AGPS: variants seen among roughly 807,000 people sequenced by gnomAD.
AGPS encodes the protein alkylglycerone phosphate synthase.
AGPS carries 26 observed loss-of-function variants against 90.7 expected under a neutral mutation model. The ratio of observed to expected loss-of-function variants is 0.29; its 90% confidence interval spans 0.21 to 0.40. The LOEUF (loss-of-function observed/expected upper bound fraction) is 0.40, where lower values mean the gene tolerates loss of function less well. Ranked by LOEUF, AGPS falls within the 10% of genes least tolerant of loss-of-function variation. AGPS has a pLI of 1.00. For synonymous variants in AGPS, 294 were observed against 285.3 expected (o/e 1.03, Z -0.31); for missense variants, 540 against 816.1 (o/e 0.66, Z 4.12).
At position 177,408,677 on chromosome 2, in the gene AGPS, C is replaced by T. The variant is rs529564540; in HGVS notation, c.261-11592C>T. On this transcript the variant is annotated intron_variant, in intron 1 of 19. Transcript: ENST00000264167. ...GGAATTCTACTCAGGGCCATCCTCT[C>T]CTATAGTGAAGTGAATTTAAAGTTT... Among the ~76,000 whole-genome samples, 3 of 152,310 alleles carry T rather than the reference C, an allele frequency of 2.0e-5. No individual in the cohort carries two copies. The South Asian group carries it at 6.2e-4, about 32-fold the overall frequency.
intron 1 of AGPS, chr2:177,393,359 T>C: frequency 1.0e-6 from 1 of 985,406 alleles, no homozygotes; most frequent in Non-Finnish European, 1.2e-6. Flanking sequence ...ATTTTTTATC[T>C]TGAATTAATA....
chr2:177,402,734 G>A (rs925438608), intron 1 of AGPS, among the ~76,000 whole-genome samples: 2 of 152,040 alleles, frequency 1.3e-5, no homozygotes, highest in African/African-American at 2.4e-5. Context: ...AATCACCTAG[G>A]TACTCTTCAG....
chr2:177,472,388 A>G (rs1479067438), intron 10 of AGPS, among the ~76,000 whole-genome samples: 1 of 148,826 alleles, frequency 6.7e-6, no homozygotes, highest in African/African-American at 2.5e-5. Context: ...TTCTTTCCTC[A>G]GGTTAGTCAG....
At position 177,538,266 on chromosome 2, in the gene AGPS, C is replaced by A; in HGVS notation, c.*71C>A. On this transcript the variant is annotated 3_prime_UTR_variant, in exon 20 of 20. Coordinates refer to ENST00000264167, the MANE Select transcript of AGPS (RefSeq NM_003659.4). Reference sequence around the variant, plus strand: ...TTTCAACTGTGGTTATACTAGTAATCAAATATATCATGGACTATATTTTGG... The same window carrying A: ...TTTCAACTGTGGTTATACTAGTAATAAAATATATCATGGACTATATTTTGG... The A allele has an allele frequency of 7.0e-7, 1 of 1,437,590 alleles. No individual in the cohort carries two copies. The highest frequency in any genetic ancestry group is 1.2e-5 in the South Asian group (1 of 86,252). The allele number at this position is 1,437,590 out of a possible 1,614,324, so 89.1% of individuals were successfully genotyped here. A position where few individuals can be genotyped will look rare whatever the true frequency, so the allele number is the denominator to read the frequency against.
intron 7 of AGPS, among the ~76,000 whole-genome samples, 171 bp downstream of exon 7, chr2:177,442,657 G>A (rs1234343468): frequency 1.3e-5 from 2 of 151,882 alleles, no homozygotes; most frequent in Non-Finnish European, 2.9e-5. Context: ...GACCAGCCAG[G>A]CCAACATAGC....
rs75303834 is a variant in AGPS, at chr2:177,498,127, A to C, written c.1362+362A>C. On this transcript the variant is annotated intron_variant, in intron 13 of 19. Coordinates refer to ENST00000264167, the MANE Select transcript of AGPS (RefSeq NM_003659.4). Reference sequence around the variant, plus strand: ...TTTTCCTAGAGTGTTAAGCCATCTTATAATACATGTGTGCCTTCTTTTCCT... The same window carrying C: ...TTTTCCTAGAGTGTTAAGCCATCTTCTAATACATGTGTGCCTTCTTTTCCT... Among the ~76,000 whole-genome samples the C allele has an allele frequency of 6.2e-3, 946 of 151,830 alleles. 6 individuals are homozygous for C. The highest frequency in any genetic ancestry group is 9.8e-3 in the Non-Finnish European group (661 of 67,736).
rs2079202165 is a variant in AGPS at position 177,538,333 on chromosome 2, C to G, written c.*138C>G. The G allele has an allele frequency of 1.0e-6, 1 of 967,564 alleles. No individual in the cohort carries two copies. The highest frequency in any genetic ancestry group is 1.7e-5 in the African/African-American group (1 of 60,362). The allele number at this position is 967,564 out of a possible 1,614,324, so 59.9% of individuals were successfully genotyped here. A position where few individuals can be genotyped will look rare whatever the true frequency, so the allele number is the denominator to read the frequency against. ...GGTTTAAAATAAGTTTGTTTTCATT[C>G]TGTAGTTTGTTTTGTTTCTACATCT... On this transcript the variant is annotated 3_prime_UTR_variant, in exon 20 of 20. Coordinates refer to ENST00000264167, the MANE Select transcript of AGPS (RefSeq NM_003659.4).
intron 12 of AGPS, 39 bp from the exon 13 acceptor site, chr2:177,497,648 CAT>C (rs1190574449): frequency 3.4e-6 from 4 of 1,172,440 alleles, no homozygotes; most frequent in African/African-American, 1.6e-5. Flanking sequence ...TTCTGAAAAA[CAT>C]AGACTAACCT....
chr2:177,518,620 T>C (rs1574028423), intron 17 of AGPS, among the ~76,000 whole-genome samples: 1 of 152,166 alleles, frequency 6.6e-6, no homozygotes, highest in Middle Eastern at 3.4e-3. Flanking sequence ...CATTTATCAA[T>C]TGGAATTCAC....
chr2:177,397,908 G>A (rs1006238384), intron 1 of AGPS, among the ~76,000 whole-genome samples: 2 of 152,154 alleles, frequency 1.3e-5, no homozygotes, highest in African/African-American at 4.8e-5. Context: ...GCACAGGCCT[G>A]TGGTTTCAGC....
intron 10 of AGPS, among the ~76,000 whole-genome samples, chr2:177,469,910 A>G: frequency 6.6e-6 from 1 of 152,226 alleles, no homozygotes; most frequent in Admixed American, 6.5e-5. Flanking sequence ...TTTGAGACAG[A>G]TAATAACAGA....
At chr2:177,502,049 A>G (rs778811230) in intron 14 of AGPS, among the ~76,000 whole-genome samples, 2 of 152,188 alleles carry the variant, frequency 1.3e-5, no homozygotes, top group East Asian at 3.8e-4. Context: ...TAAAACTATA[A>G]GTGAATCTTC....
chr2:177,419,406 A>G (rs1462182693), intron 1 of AGPS, among the ~76,000 whole-genome samples: 1 of 151,914 alleles, frequency 6.6e-6, no homozygotes, highest in African/African-American at 2.4e-5. Context: ...ACTCACCACC[A>G]ATTTATTTCA....
chr2:177,430,051 T>TA (rs1156531971), intron 2 of AGPS, among the ~76,000 whole-genome samples: 5 of 151,964 alleles, frequency 3.3e-5, no homozygotes, highest in East Asian at 1.9e-4. Flanking sequence ...GGGTCCCACT[T>TA]AAAAAAAAGC....
chr2:177,428,521 G>A (rs1686145549), intron 2 of AGPS, among the ~76,000 whole-genome samples: 1 of 152,174 alleles, frequency 6.6e-6, no homozygotes, highest in Admixed American at 6.5e-5. Context: ...GCCTGGTGGT[G>A]ATGAATTCCC....
At chr2:177,416,896 A>G (rs558207163) in intron 1 of AGPS, among the ~76,000 whole-genome samples, 1 of 152,198 alleles carries the variant, frequency 6.6e-6, no homozygotes, top group African/African-American at 2.4e-5. Context: ...GTCTGAGATC[A>G]TACTGGTTAA....
rs1330430442 is a variant in AGPS at position 177,398,184 on chromosome 2, A to G, written c.260+5135A>G. 2.0e-5 allele frequency among the ~76,000 whole-genome samples: 3 copies of G among 152,338 alleles called. No individual in the cohort carries two copies. In the East Asian group the frequency reaches 5.8e-4, roughly 29 times the overall value. On this transcript the variant is annotated intron_variant, in intron 1 of 19. Coordinates refer to ENST00000264167, the MANE Select transcript of AGPS (RefSeq NM_003659.4). ...TAAGAGCTGATACAGAGCAAAGGTT[A>G]TTTGCACAAGTGACCTGGCTTAAAA... is the stretch of plus-strand genomic sequence containing the variant.
chr2:177,483,681 T>G (rs1688011616), intron 11 of AGPS, among the ~76,000 whole-genome samples: 1 of 152,208 alleles, frequency 6.6e-6, no homozygotes, highest in African/African-American at 2.4e-5. Context: ...ATATTATGGT[T>G]AGGGAGCTAG....
chr2:177,536,598 A>G (rs2079186783), intron 19 of AGPS, among the ~76,000 whole-genome samples: 1 of 152,102 alleles, frequency 6.6e-6, no homozygotes, highest in Non-Finnish European at 1.5e-5. Flanking sequence ...GTCCTGGTAG[A>G]ATATCTTTTA....
Sources: gnomAD v4.1 joint callset for allele counts (sites outside exome capture counted in the v4.1 genomes callset) on GRCh38, gnomAD v4.1.1 for gene constraint, MANE v1.5 for transcripts, NCBI Gene and HGNC (gene_info 2026-07-23, HGNC 2026-07-21) for gene names.